CADM2: variants seen among roughly 807,000 people sequenced by gnomAD.
CADM2 encodes cell adhesion molecule 2.
A neutral mutation model predicts 49.8 loss-of-function variants in CADM2; 12 were observed. The observed-to-expected ratio is 0.24, with a 90% CI of 0.15 to 0.39. The LOEUF (loss-of-function observed/expected upper bound fraction) is 0.39. Among genes scored for constraint, CADM2 ranks in the 10% least tolerant of loss-of-function variants. The pLI is 1.00. For missense variants in CADM2, 378 were observed against 492.3 expected, an observed-to-expected ratio of 0.77 and a Z score of 2.20; for synonymous variants, 214 against 175.4, an observed-to-expected ratio of 1.22 and a Z score of -1.74.
chr3:85,366,578 G>A (rs2032802585), intron 1 of CADM2, among the ~76,000 whole-genome samples: 1 of 151,970 alleles, frequency 6.6e-6, no homozygotes, highest in Non-Finnish European at 1.5e-5. Flanking sequence ...TAACCACAGG[G>A]GAGAAGTCAC....
At chr3:85,595,390 G>A (rs2063214959) in intron 1 of CADM2, among the ~76,000 whole-genome samples, 1 of 151,970 alleles carries the variant, frequency 6.6e-6, no homozygotes, top group Non-Finnish European at 1.5e-5. Flanking sequence ...GGCAAAATAT[G>A]CAAACAGTTC....
intron 3 of CADM2, among the ~76,000 whole-genome samples, chr3:85,834,216 A>C (rs2074307402): frequency 6.6e-6 from 1 of 151,676 alleles, no homozygotes; most frequent in South Asian, 2.1e-4. Flanking sequence ...AGAGAAAAAA[A>C]TTATTATACT....
At chr3:85,036,665 T>G (rs1261985049) in intron 1 of CADM2, among the ~76,000 whole-genome samples, 1 of 152,142 alleles carries the variant, frequency 6.6e-6, no homozygotes, top group Non-Finnish European at 1.5e-5. Context: ...ATATCCCGTT[T>G]TCTTTATAAT....
chr3:85,493,218 T>C (rs939219684), intron 1 of CADM2, among the ~76,000 whole-genome samples: 2 of 152,166 alleles, frequency 1.3e-5, no homozygotes, highest in Non-Finnish European at 2.9e-5. Context: ...GATAAGGTTT[T>C]AAAGTTTTTC....
chr3:85,422,298 T>C (rs1471523384), intron 1 of CADM2, among the ~76,000 whole-genome samples: 1 of 152,206 alleles, frequency 6.6e-6, no homozygotes, highest in Non-Finnish European at 1.5e-5. Context: ...CCTTTTTTTT[T>C]TGAGACAGAG....
rs562723713 is a variant in CADM2, at chr3:85,693,566, CAAAAAAAAAA to C, written c.62-32947_62-32938del. On this transcript the variant is annotated intron_variant, in intron 1 of 9. Transcript: ENST00000383699. ...CTGCAGTCCTGCCTCGGCGAAAGAG[CAAAAAAAAAA>C]AAAAAAAAGAAAAGAAAAAATCAGA... 2.5e-4 allele frequency among the ~76,000 whole-genome samples: 19 copies of C among 76,124 alleles called. 1 individual carries two copies. The highest frequency in any genetic ancestry group is 1.5e-4 in the Non-Finnish European group (6 of 41,106). 49.9% of individuals were successfully genotyped at this position (76,124 alleles called of 152,430 possible). A position where few individuals can be genotyped will look rare whatever the true frequency, so the allele number is the denominator to read the frequency against.
chr3:85,892,293 A>G (rs1186382359), intron 5 of CADM2, among the ~76,000 whole-genome samples: 1 of 152,224 alleles, frequency 6.6e-6, no homozygotes, highest in East Asian at 1.9e-4. Flanking sequence ...TCAGGTGCCT[A>G]AATGACTTGG....
intron 1 of CADM2, among the ~76,000 whole-genome samples, chr3:85,038,296 C>G (rs1046201237): frequency 2.0e-5 from 3 of 152,218 alleles, no homozygotes; most frequent in Admixed American, 6.5e-5. Context: ...ATGCATACTA[C>G]AGACTGTTTA....
Position 85,068,479 on chromosome 3 carries a change from A to T in CADM2, c.61+108811A>T, listed in dbSNP as rs191028520. On this transcript the variant is annotated intron_variant, in intron 1 of 9. Transcript: ENST00000383699. Reference sequence around the variant, plus strand: ...ATTCTGAGGTTGAAGTTTAAACTGGAAAAAACAAAGTTGGGACTTAGAACA... The same window carrying T: ...ATTCTGAGGTTGAAGTTTAAACTGGTAAAAACAAAGTTGGGACTTAGAACA... Among the ~76,000 whole-genome samples the T allele has an allele frequency of 2.2e-4, 34 of 152,268 alleles. 3 individuals carry two copies. The East Asian group carries it at 6.6e-3, about 29-fold the overall frequency.
intron 1 of CADM2, among the ~76,000 whole-genome samples, chr3:85,487,140 T>C (rs1320566312): frequency 6.6e-6 from 1 of 152,196 alleles, no homozygotes; most frequent in Non-Finnish European, 1.5e-5. Context: ...TAGCCAATAA[T>C]ATCACAAAGC....
At chr3:85,379,859 A>T (rs2033802737) in intron 1 of CADM2, among the ~76,000 whole-genome samples, 1 of 152,100 alleles carries the variant, frequency 6.6e-6, no homozygotes, top group African/African-American at 2.4e-5. Flanking sequence ...TTTATTCTAT[A>T]ACTGGAGTTG....
At chr3:85,997,646 T>C (rs148787142) in intron 8 of CADM2, among the ~76,000 whole-genome samples, 116 of 152,330 alleles carry the variant, frequency 7.6e-4, no homozygotes, top group African/African-American at 2.2e-3. Flanking sequence ...GGGATACTTG[T>C]GCAATTGTGT....
chr3:85,084,568 G>A (rs868183256), intron 1 of CADM2, among the ~76,000 whole-genome samples: 1 of 152,136 alleles, frequency 6.6e-6, no homozygotes, highest in Non-Finnish European at 1.5e-5. Flanking sequence ...AGGAAACAAA[G>A]AATGTAAAAT....
chr3:85,045,164 C>T (rs2035597283), intron 1 of CADM2, among the ~76,000 whole-genome samples: 1 of 152,074 alleles, frequency 6.6e-6, no homozygotes, highest in South Asian at 2.1e-4. Flanking sequence ...AATTATCTTA[C>T]CTTAACTCGT....
At chr3:85,864,893 CT>C (rs1172849443) in intron 3 of CADM2, among the ~76,000 whole-genome samples, 1 of 152,052 alleles carries the variant, frequency 6.6e-6, no homozygotes, top group East Asian at 1.9e-4. Flanking sequence ...AGCCTTTCTC[CT>C]TTTTATTCCA....
rs1159224593 is a variant in CADM2 at position 85,526,841 on chromosome 3, A to G, written c.62-199681A>G. On this transcript the variant is annotated intron_variant, in intron 1 of 9. Coordinates refer to ENST00000383699, the MANE Select transcript of CADM2 (RefSeq NM_001167675.2). ...AAAATACAAGTATTATCCCCATTTTATAGCTAAGGGAACTGAATATCCAAA... is the reference window on the plus strand; with the variant it reads ...AAAATACAAGTATTATCCCCATTTTGTAGCTAAGGGAACTGAATATCCAAA... Among the ~76,000 whole-genome samples, 2 of 152,168 alleles carry G rather than the reference A, an allele frequency of 1.3e-5. 1 individual carries two copies. Among genetic ancestry groups the G allele is most frequent in the Admixed American group, 1.3e-4 (2 of 15,274 alleles).
chr3:85,514,502 A>T (rs2060847671), intron 1 of CADM2, among the ~76,000 whole-genome samples: 1 of 152,076 alleles, frequency 6.6e-6, no homozygotes, highest in Admixed American at 6.5e-5. Context: ...TAGGAAGGAC[A>T]TTCAATATAT....
intron 1 of CADM2, among the ~76,000 whole-genome samples, chr3:85,666,539 TAA>T (rs1380502389): frequency 6.6e-6 from 1 of 151,870 alleles, no homozygotes; most frequent in Non-Finnish European, 1.5e-5. Flanking sequence ...TTACATGACA[TAA>T]GAGACATCAG....
intron 1 of CADM2, among the ~76,000 whole-genome samples, chr3:85,009,869 A>G (rs1464085320): frequency 2.7e-5 from 2 of 74,970 alleles, no homozygotes; most frequent in African/African-American, 1.5e-4. Context: ...CTATCTCAAT[A>G]AATAAATAAA....
Sources: gnomAD v4.1 joint callset for allele counts (sites outside exome capture counted in the v4.1 genomes callset) on GRCh38, gnomAD v4.1.1 for gene constraint, MANE v1.5 for transcripts, NCBI Gene and HGNC (gene_info 2026-07-23, HGNC 2026-07-21) for gene names.